Variants in KCNQ5 observed in about 807,000 individuals in gnomAD.
KCNQ5 encodes potassium voltage-gated channel subfamily KQT member 5.
A neutral mutation model predicts 98.2 loss-of-function variants in KCNQ5; 30 were observed. The observed-to-expected ratio is 0.31, with a 90% confidence interval of 0.23 to 0.41. KCNQ5 has a LOEUF of 0.41. KCNQ5 is among the 10% of genes least tolerant of loss of function. KCNQ5 has a pLI of 1.00. For missense variants in KCNQ5, 835 were observed against 1,182.5 expected (o/e 0.71, Z 4.31); for synonymous variants, 458 against 449.4 (o/e 1.02, Z -0.24).
At position 72,938,035 on chromosome 6, in the gene KCNQ5, C is replaced by G. The variant is rs558788021; in HGVS notation, c.399-65873C>G. Among the ~76,000 whole-genome samples, 126 of 152,252 alleles carry G rather than the reference C, an allele frequency of 8.3e-4. 2 individuals carry two copies. The highest frequency in any genetic ancestry group is 3.0e-3 in the African/African-American group (124 of 41,552). On this transcript the variant is annotated intron_variant, in intron 1 of 13. Transcript: ENST00000370398. ...AGAAGTATCACCCTGCCCTGACCAC[C>G]TTACAAGGTTGTTCTGATGAAATGA... is the stretch of plus-strand genomic sequence containing the variant.
intron 1 of KCNQ5, among the ~76,000 whole-genome samples, chr6:72,716,900 G>C (rs76695427): frequency 1.3e-5 from 2 of 152,156 alleles, no homozygotes; most frequent in East Asian, 3.9e-4. Flanking sequence ...CTTAAATTCA[G>C]TTATGCATTT....
At chr6:72,730,035 T>G (rs918919041) in intron 1 of KCNQ5, among the ~76,000 whole-genome samples, 1 of 152,150 alleles carries the variant, frequency 6.6e-6, no homozygotes, top group Non-Finnish European at 1.5e-5. Flanking sequence ...TGTGAACCTG[T>G]ACTCCTAGCT....
chr6:72,637,699 A>T (rs2098924992), intron 1 of KCNQ5, among the ~76,000 whole-genome samples: 1 of 152,194 alleles, frequency 6.6e-6, no homozygotes, highest in Admixed American at 6.5e-5. Flanking sequence ...ATGCCTGATG[A>T]TAAAATTCTA....
intron 1 of KCNQ5, among the ~76,000 whole-genome samples, chr6:72,732,182 A>G (rs559295721): frequency 6.6e-6 from 1 of 152,288 alleles, no homozygotes; most frequent in African/African-American, 2.4e-5. Flanking sequence ...TATGCAATCT[A>G]GTGTGGAAGG....
Position 73,003,905 on chromosome 6 carries a change from C to A in KCNQ5, c.399-3C>A. 1 of 1,598,634 alleles carries A rather than the reference C, an allele frequency of 6.3e-7. No homozygotes were observed. The highest frequency in any genetic ancestry group is 8.6e-7 in the Non-Finnish European group (1 of 1,166,906). On this transcript the variant is annotated splice_polypyrimidine_tract_variant and splice_region_variant and intron_variant, in intron 1 of 13. Coordinates refer to ENST00000370398, the MANE Select transcript of KCNQ5 (RefSeq NM_019842.4). ...TCAGATTTCTCTTTTTGTTGTTTTACAGTTTTCTCCTTGTCTTTGGTTGCT... is the reference window on the plus strand; with the variant it reads ...TCAGATTTCTCTTTTTGTTGTTTTAAAGTTTTCTCCTTGTCTTTGGTTGCT...
At chr6:72,782,662 T>C (rs1412265498) in intron 1 of KCNQ5, among the ~76,000 whole-genome samples, 1 of 152,170 alleles carries the variant, frequency 6.6e-6, no homozygotes, top group African/African-American at 2.4e-5. Flanking sequence ...CCTTTGTGTC[T>C]CCTAACCTCC....
rs1204174420 is a variant in KCNQ5, at chr6:72,646,712, G to A, written c.398+24125G>A. 2.0e-5 allele frequency among the ~76,000 whole-genome samples: 3 copies of A among 152,194 alleles called. No individual in the cohort carries two copies. In the East Asian group the frequency reaches 5.8e-4, roughly 29 times the overall value. On this transcript the variant is annotated intron_variant, in intron 1 of 13. Coordinates refer to ENST00000370398, the MANE Select transcript of KCNQ5 (RefSeq NM_019842.4). ...TCAATTTCTCTGTGATTGGTTTAAT[G>A]TCATTTGCCCATAAGCATACATTGC...
chr6:73,175,082 G>C (rs886944637), intron 11 of KCNQ5, among the ~76,000 whole-genome samples: 1 of 151,890 alleles, frequency 6.6e-6, no homozygotes, highest in Non-Finnish European at 1.5e-5. Flanking sequence ...TCACCTGGAA[G>C]CACTTGCCAT....
chr6:72,822,314 C>A (rs1027189759), intron 1 of KCNQ5, among the ~76,000 whole-genome samples: 7 of 152,224 alleles, frequency 4.6e-5, no homozygotes, highest in African/African-American at 1.2e-4. Context: ...TGGGCGACTG[C>A]AGTTCTGCAA....
At chr6:72,644,710 A>G (rs1425652637) in intron 1 of KCNQ5, among the ~76,000 whole-genome samples, 1 of 152,066 alleles carries the variant, frequency 6.6e-6, no homozygotes, top group Admixed American at 6.6e-5. Context: ...TGCACCTTTT[A>G]TCATAACCCT....
chr6:72,709,756 C>G (rs1174126490), intron 1 of KCNQ5, among the ~76,000 whole-genome samples: 2 of 152,110 alleles, frequency 1.3e-5, no homozygotes, highest in East Asian at 1.9e-4. Flanking sequence ...AGATTACCCT[C>G]TGGTGGAGAA....
intron 1 of KCNQ5, among the ~76,000 whole-genome samples, chr6:72,861,729 G>A (rs75865416): frequency 2.0e-5 from 3 of 151,748 alleles, no homozygotes; most frequent in Admixed American, 1.3e-4. Flanking sequence ...TCTGGAGAAG[G>A]CTCCCAAAAT....
At chr6:72,669,808 A>G (rs1035180263) in intron 1 of KCNQ5, among the ~76,000 whole-genome samples, 21 of 151,784 alleles carry the variant, frequency 1.4e-4, no homozygotes, top group African/African-American at 5.1e-4. Context: ...GAGATGGCTG[A>G]TTACATTCAT....
At chr6:72,984,753 T>C (rs1208852228) in intron 1 of KCNQ5, among the ~76,000 whole-genome samples, 1 of 152,178 alleles carries the variant, frequency 6.6e-6, no homozygotes, top group Non-Finnish European at 1.5e-5. Context: ...ATGAACCAGG[T>C]ACCTCAGTTG....
At chr6:72,869,869 G>A (rs778634612) in intron 1 of KCNQ5, among the ~76,000 whole-genome samples, 1 of 152,200 alleles carries the variant, frequency 6.6e-6, no homozygotes, top group African/African-American at 2.4e-5. Context: ...GCCAGGGTGC[G>A]ATGAGGGTCA....
intron 10 of KCNQ5, among the ~76,000 whole-genome samples, chr6:73,139,307 G>A (rs1275187678): frequency 1.3e-5 from 2 of 152,212 alleles, no homozygotes; most frequent in Non-Finnish European, 2.9e-5. Context: ...TCACCAGTCA[G>A]GACCCAGCAG....
intron 1 of KCNQ5, among the ~76,000 whole-genome samples, chr6:72,932,551 G>A (rs964794890): frequency 6.6e-5 from 10 of 152,052 alleles, no homozygotes; most frequent in Admixed American, 4.6e-4. Context: ...TGCTTACATA[G>A]TTTTCATTTT....
chr6:72,876,071 G>A (rs974143432), intron 1 of KCNQ5, among the ~76,000 whole-genome samples: 1 of 151,782 alleles, frequency 6.6e-6, no homozygotes, highest in African/African-American at 2.4e-5. Context: ...GTATCTTAGG[G>A]GAGATGTCTT....
At chr6:72,928,236 T>TTACTAAAAGCAA (rs1264671433) in intron 1 of KCNQ5, among the ~76,000 whole-genome samples, 1 of 152,078 alleles carries the variant, frequency 6.6e-6, no homozygotes, top group East Asian at 1.9e-4. Flanking sequence ...AAATCAGTAA[T>TTACTAAAAGCAA]ATGACTTTGC....
Sources: allele counts gnomAD v4.1 joint callset (sites outside exome capture counted in the v4.1 genomes callset), GRCh38; gene constraint gnomAD v4.1.1; transcripts MANE v1.5; gene names NCBI Gene and HGNC (gene_info 2026-07-23, HGNC 2026-07-21).